The following GYG2 variants were observed in gnomAD, a reference collection of about 807,000 sequenced individuals.
The protein encoded by GYG2 is glycogenin-2.
Under a neutral mutation model 29.4 loss-of-function variants are expected in GYG2, and 29 were observed. The observed-to-expected ratio is 0.99, with a 90% CI of 0.74 to 1.35. The LOEUF (loss-of-function observed/expected upper bound fraction) is 1.35, where lower values mean the gene tolerates loss of function less well. Among genes scored for constraint, GYG2 ranks in the 40% most tolerant of loss-of-function variants. The probability of loss-of-function intolerance (pLI) is 0.00; values close to 1 mark genes in which losing one functional copy is unlikely to be tolerated. For missense variants in GYG2, 370 were observed against 385.7 expected (o/e 0.96, Z 0.34); for synonymous variants, 167 against 172.3 (o/e 0.97, Z 0.24).
chrX:2,855,093 A>G lies in GYG2; in HGVS notation c.425A>G (p.Gln142Arg). 1 of 1,211,415 alleles carries G rather than the reference A, an allele frequency of 8.3e-7. No homozygotes were observed. The highest frequency in any genetic ancestry group is 1.1e-6 in the Non-Finnish European group (1 of 895,086). The change falls in exon 5 of 11, where the codon CAG (glutamine) becomes CGG (arginine). Residue 142 changes from glutamine (Q) to arginine (R), a missense_variant. Physicochemically the swap from Gln to Arg is conservative, Grantham distance 43. Transcript: ENST00000398806. ...DCFNSGVFVF[Q>R]PSLHTHKLLL... ...TTCAATAGCGGGGTGTTTGTCTTCC[A>G]GCCTTCTCTCCACACGCATAAACTC...
intron 2 of GYG2, among the ~76,000 whole-genome samples, chrX:2,832,840 T>C (rs1325873354): frequency 1.8e-5 from 2 of 112,265 alleles, no homozygotes; most frequent in Non-Finnish European, 3.8e-5. Flanking sequence ...TGGCCTAATC[T>C]CCTTTCTTAT....
chrX:2,874,560 G>A (rs2088551789), intron 8 of GYG2, among the ~76,000 whole-genome samples: 1 of 111,839 alleles, frequency 8.9e-6, no homozygotes, highest in African/African-American at 3.2e-5. Flanking sequence ...TTGCCATTTT[G>A]TATTTGTTAT....
At chrX:2,844,584 GTATATGTGTATACGCACACGCATGCGTA>G (rs1286077862) in intron 3 of GYG2, among the ~76,000 whole-genome samples, 7 of 68,673 alleles carry the variant, frequency 1.0e-4, no homozygotes, top group African/African-American at 4.1e-4. Context: ...ACACGCATGC[GTATATGTGTATACGCACACGCATGCGTA>G]TATGTGTATA....
intron 8 of GYG2, among the ~76,000 whole-genome samples, chrX:2,874,372 G>A (rs1017213233): frequency 1.8e-5 from 2 of 112,148 alleles, no homozygotes; most frequent in African/African-American, 6.5e-5. Flanking sequence ...ATTTCCAGTC[G>A]TTCTACATCA....
At position 2,844,778 on chromosome X, in the gene GYG2, G is replaced by A. The variant is rs753093761; in HGVS notation, c.149+1424G>A. Among the ~76,000 whole-genome samples the A allele has an allele frequency of 3.1e-3, 4 of 1,271 alleles. 1 individual carries two copies. Among genetic ancestry groups the A allele is most frequent in the African/African-American group, 4.1e-3 (4 of 981 alleles). The allele number at this position is 1,271 out of a possible 115,157, so 1.1% of individuals were successfully genotyped here. ...CGCACACGTATGTGTATATGTACAC[G>A]TATGCATATATATATACATGTATGT... On this transcript the variant is annotated intron_variant, in intron 3 of 10. Transcript: ENST00000398806.
At chrX:2,835,847 G>A (rs12849995) in intron 2 of GYG2, among the ~76,000 whole-genome samples, 3 of 111,603 alleles carry the variant, frequency 2.7e-5, no homozygotes, top group Non-Finnish European at 5.7e-5. Flanking sequence ...AGGAGTCAGC[G>A]ATGAGCCCAC....
In GYG2 at chrX:2,881,822, T is replaced by C. The variant is rs1214433969; in HGVS notation, c.*609T>C. ...CTTCCTAGAGCGTTGACAGAAATTC[T>C]ACTCGTGGACGTTGGGAAGAAAGAT... On this transcript the variant is annotated 3_prime_UTR_variant, in exon 11 of 11. Transcript: ENST00000398806. 2.7e-5 allele frequency: 3 copies of C among 111,703 alleles called. No homozygotes were observed. Among genetic ancestry groups the C allele is most frequent in the African/African-American group, 6.5e-5 (2 of 30,703 alleles). The allele number at this position is 111,703 out of a possible 1,213,427, so 9.2% of individuals were successfully genotyped here. A position where few individuals can be genotyped will look rare whatever the true frequency, so the allele number is the denominator to read the frequency against.
intron 2 of GYG2, among the ~76,000 whole-genome samples, chrX:2,832,426 C>G (rs1486755871): frequency 9.0e-6 from 1 of 111,727 alleles, no homozygotes; most frequent in African/African-American, 3.3e-5. Context: ...TCTGCATTCT[C>G]TTTTGTGTTT....
chrX:2,853,302 C>A lies in GYG2; in HGVS notation c.150-678C>A, dbSNP rs750789585. ...CTCAGGTCAGTGCAATCTCCGCCTC[C>A]CGGGTTCAAGCGATTCTCCTGCTTC... On this transcript the variant is annotated intron_variant, in intron 3 of 10. Coordinates refer to ENST00000398806, the MANE Select transcript of GYG2 (RefSeq NM_001079855.2). Among the ~76,000 whole-genome samples the A allele has an allele frequency of 5.9e-3, 652 of 111,332 alleles. 3 individuals are homozygous for A. The highest frequency in any genetic ancestry group is 9.7e-3 in the Non-Finnish European group (513 of 53,028).
Position 2,856,576 on chromosome X carries a change from A to G in GYG2, c.566A>G (p.Tyr189Cys), listed in dbSNP as rs769030439. 1.7e-6 allele frequency: 2 copies of G among 1,204,670 alleles called. No individual in the cohort carries two copies. The highest frequency in any genetic ancestry group is 2.2e-6 in the Non-Finnish European group (2 of 889,621). The change falls in exon 6 of 11, where the codon TAT (tyrosine) becomes TGT (cysteine). Residue 189 changes from tyrosine to cysteine, a missense_variant. Transcript: ENST00000398806. ...TDIHKHLPFI[Y>C]NLSSNTMYTY... Reference sequence around the variant, plus strand: ...ATCCACAAGCACCTGCCGTTCATCTATAACTTGAGTAGTAACACGATGTAC... The same window carrying G: ...ATCCACAAGCACCTGCCGTTCATCTGTAACTTGAGTAGTAACACGATGTAC...
At chrX:2,861,487 G>A (rs2088164021) in intron 7 of GYG2, 35 bp from the exon 8 acceptor site, 3 of 1,125,928 alleles carry the variant, frequency 2.7e-6, no homozygotes, top group Non-Finnish European at 3.7e-6. Flanking sequence ...AGGAGACATA[G>A]GGAAGACTCA....
chrX:2,867,091 G>C (rs1029656271), intron 8 of GYG2, among the ~76,000 whole-genome samples: 4 of 111,961 alleles, frequency 3.6e-5, no homozygotes, highest in African/African-American at 1.3e-4. Context: ...GGGGACAGTA[G>C]GTGGCCCTTC....
chrX:2,870,035 C>T (rs1181907726), intron 8 of GYG2, among the ~76,000 whole-genome samples: 1 of 109,862 alleles, frequency 9.1e-6, no homozygotes, highest in African/African-American at 3.3e-5. Flanking sequence ...TCTTCTCCAG[C>T]GTTTTGTCTT....
intron 2 of GYG2, among the ~76,000 whole-genome samples, chrX:2,836,993 G>T (rs2087387464): frequency 9.0e-6 from 1 of 111,002 alleles, no homozygotes; most frequent in African/African-American, 3.3e-5. Context: ...ACAACGTAAT[G>T]AACAACCCCA....
At chrX:2,850,797 A>G (rs990625889) in intron 3 of GYG2, among the ~76,000 whole-genome samples, 7 of 108,808 alleles carry the variant, frequency 6.4e-5, no homozygotes, top group African/African-American at 2.3e-4. Flanking sequence ...TGACCTACCC[A>G]AATCTTATAA....
rs778266827 is a variant in GYG2 at position 2,830,210 on chromosome X, C to T, written c.7+15C>T. On this transcript the variant is annotated intron_variant, in intron 2 of 10. Coordinates refer to ENST00000398806, the MANE Select transcript of GYG2 (RefSeq NM_001079855.2). The stretch of plus-strand genomic sequence containing the variant: ...GACCATGTCGGGTGAGTAGCTCAAG[C>T]TGCTTCAGTTCAGCCTGCCTGTTCC... 1.7e-6 allele frequency: 2 copies of T among 1,193,961 alleles called. No homozygotes were observed. The highest frequency in any genetic ancestry group is 1.8e-5 in the South Asian group (1 of 56,582).
chrX:2,858,184 G>A (rs754601233), intron 6 of GYG2, among the ~76,000 whole-genome samples: 44 of 111,807 alleles, frequency 3.9e-4, no homozygotes, highest in Non-Finnish European at 7.1e-4. Flanking sequence ...GGACATGGCC[G>A]AGCACAGTGG....
chrX:2,843,394 A>G (rs1329349845), intron 3 of GYG2, 40 bp downstream of exon 3: 23 of 1,100,494 alleles, frequency 2.1e-5, no homozygotes, highest in Non-Finnish European at 2.6e-5. Context: ...GCTGGGTCCT[A>G]TAGAAGGAGG....
Position 2,881,274 on chromosome X carries a change from G to T in GYG2, c.*61G>T, listed in dbSNP as rs890187867. Reference sequence around the variant, plus strand: ...ATGTCCTGTTGGGTGGTCCTGTTGCGTGGAGATCTCCTCTGGTCCTTTCAA... The same window carrying T: ...ATGTCCTGTTGGGTGGTCCTGTTGCTTGGAGATCTCCTCTGGTCCTTTCAA... On this transcript the variant is annotated 3_prime_UTR_variant, in exon 11 of 11. Transcript: ENST00000398806. 23 of 941,484 alleles carry T rather than the reference G, an allele frequency of 2.4e-5. No homozygotes were observed. The highest frequency in any genetic ancestry group is 3.0e-5 in the Non-Finnish European group (21 of 689,413). The allele number at this position is 941,484 out of a possible 1,213,427, so 77.6% of individuals were successfully genotyped here.
Sources: gnomAD v4.1 joint callset for allele counts (sites outside exome capture counted in the v4.1 genomes callset) on GRCh38, gnomAD v4.1.1 for gene constraint, MANE v1.5 for transcripts, NCBI Gene and HGNC (gene_info 2026-07-23, HGNC 2026-07-21) for gene names.